PIGN: variants seen among roughly 807,000 people sequenced by gnomAD.
The protein encoded by PIGN is phosphatidylinositol glycan anchor biosynthesis class N.
PIGN carries 117 observed loss-of-function variants against 125.4 expected under a neutral mutation model. That is an observed-to-expected ratio of 0.93 (90% CI 0.80 to 1.09). PIGN has a LOEUF of 1.09. Among genes scored for constraint, PIGN ranks in the 50% least tolerant of loss-of-function variants. The pLI, the probability that PIGN is intolerant of heterozygous loss-of-function variation, is 0.00. For missense variants in PIGN, 1,075 were observed against 1,094.9 expected, an observed-to-expected ratio of 0.98 and a Z score of 0.26; for synonymous variants, 392 against 377.8, an observed-to-expected ratio of 1.04 and a Z score of -0.44.
At chr18:62,168,991 G>C (rs990657624) in intron 1 of PIGN, among the ~76,000 whole-genome samples, 1 of 151,936 alleles carries the variant, frequency 6.6e-6, no homozygotes, top group Non-Finnish European at 1.5e-5. Flanking sequence ...GAGTAGCTGG[G>C]ACTACAGACG....
chr18:62,095,001 G>A (rs538595094), intron 23 of PIGN, among the ~76,000 whole-genome samples: 3 of 152,290 alleles, frequency 2.0e-5, no homozygotes, highest in Admixed American at 6.5e-5. Flanking sequence ...GTTTCCAAAA[G>A]GGAGAACCTG....
At chr18:62,019,058 A>T (rs756510653) in intron 23 of PIGN, among the ~76,000 whole-genome samples, 2 of 152,136 alleles carry the variant, frequency 1.3e-5, no homozygotes, top group Non-Finnish European at 2.9e-5. Flanking sequence ...AAATTAAAAA[A>T]CTTAGCCAGG....
At chr18:62,143,585 T>C (rs1255041573) in intron 10 of PIGN, among the ~76,000 whole-genome samples, 1 of 152,156 alleles carries the variant, frequency 6.6e-6, no homozygotes, top group Non-Finnish European at 1.5e-5. Context: ...TCTTAAATGT[T>C]TACTGGGAGA....
intron 1 of PIGN, among the ~76,000 whole-genome samples, chr18:62,164,940 G>A (rs1273620482): frequency 6.6e-6 from 1 of 152,098 alleles, no homozygotes; most frequent in Non-Finnish European, 1.5e-5. Flanking sequence ...GTTATACTTT[G>A]GAGGGAGATA....
intron 14 of PIGN, chr18:62,123,681 T>C (rs1303264643): frequency 1.3e-5 from 2 of 152,170 alleles, no homozygotes; most frequent in African/African-American, 4.8e-5. Flanking sequence ...CAAGAAAATA[T>C]GGTATTATCC....
intron 23 of PIGN, among the ~76,000 whole-genome samples, chr18:62,022,735 C>A (rs1467484439): frequency 6.6e-6 from 1 of 152,108 alleles, no homozygotes; most frequent in Non-Finnish European, 1.5e-5. Context: ...TTAGTAACAG[C>A]TTTATTGATA....
chr18:62,186,520 A>C (rs1478464261), intron 1 of PIGN, among the ~76,000 whole-genome samples: 1 of 152,238 alleles, frequency 6.6e-6, no homozygotes, highest in Non-Finnish European at 1.5e-5. Flanking sequence ...TCCCAGATCC[A>C]GGCAAATGCC....
chr18:62,078,654 C>T (rs1047314363), intron 28 of PIGN, among the ~76,000 whole-genome samples: 19 of 152,200 alleles, frequency 1.2e-4, no homozygotes, highest in African/African-American at 4.6e-4. Context: ...TTATCATTCC[C>T]TTGCTCTAAA....
intron 23 of PIGN, among the ~76,000 whole-genome samples, chr18:62,028,878 G>A (rs2030159033): frequency 1.3e-5 from 2 of 152,324 alleles, no homozygotes; most frequent in South Asian, 4.1e-4. Context: ...TTCCCAAAAA[G>A]CAATTCAACA....
chr18:62,168,278 C>G (rs1016746813), intron 1 of PIGN, among the ~76,000 whole-genome samples: 1 of 152,000 alleles, frequency 6.6e-6, no homozygotes, highest in Non-Finnish European at 1.5e-5. Context: ...TGTAAGTAAC[C>G]ATGCTTTCTT....
intron 30 of PIGN, among the ~76,000 whole-genome samples, chr18:62,063,294 C>T (rs1450602092): frequency 7.3e-6 from 1 of 136,370 alleles, no homozygotes; most frequent in African/African-American, 2.8e-5. Context: ...AGATTTTAGC[C>T]AAAATCTATG....
chr18:62,085,089 C>G, intron 26 of PIGN, 120 bp downstream of exon 26: 1 of 637,584 alleles, frequency 1.6e-6, no homozygotes, highest in Non-Finnish European at 2.8e-6. Flanking sequence ...GTCTAGGCAA[C>G]AGAGTGAGAC....
At chr18:62,157,853 A>T in intron 4 of PIGN, 45 bp from the exon 5 acceptor site, 1 of 1,512,870 alleles carries the variant, frequency 6.6e-7, no homozygotes, top group Non-Finnish European at 9.1e-7. Flanking sequence ...CTATGATTAG[A>T]TACTCTCACA....
chr18:62,067,810 G>A (rs534804613), intron 30 of PIGN, among the ~76,000 whole-genome samples: 244 of 152,286 alleles, frequency 1.6e-3, no homozygotes, highest in Middle Eastern at 3.4e-3. Context: ...TTCAGCATAC[G>A]TATGTTTTGC....
chr18:62,098,751 T>TAG (rs879884429), intron 22 of PIGN, among the ~76,000 whole-genome samples: 1 of 152,186 alleles, frequency 6.6e-6, no homozygotes, highest in Non-Finnish European at 1.5e-5. Flanking sequence ...GTAGGTATCC[T>TAG]CTAGAACCTA....
At position 62,082,738 on chromosome 18, in the gene PIGN, G is replaced by A. The variant is rs1341702236; in HGVS notation, c.2511C>T (p.Ile837=). The change falls in exon 28 of 31, where the codon ATC becomes ATT. Residue 837 remains isoleucine, a synonymous_variant. Coordinates refer to ENST00000640252, the MANE Select transcript of PIGN (RefSeq NM_176787.5). ...MGALMMWKIL[I]PFVLVMCAFE... ...AAGCACACATAACAAGAACAAAGGG[G>A]ATTAAAATCTGTAAAAGAACAATAA... 1 of 1,527,076 alleles carries A rather than the reference G, an allele frequency of 6.5e-7. No individual in the cohort carries two copies. Among genetic ancestry groups the A allele is most frequent in the Non-Finnish European group, 8.9e-7 (1 of 1,123,968 alleles). The allele number at this position is 1,527,076 out of a possible 1,614,324, so 94.6% of individuals were successfully genotyped here.
At chr18:62,159,004 C>T (rs1327171844) in intron 4 of PIGN, among the ~76,000 whole-genome samples, 1 of 152,214 alleles carries the variant, frequency 6.6e-6, no homozygotes, top group African/African-American at 2.4e-5. Flanking sequence ...GTAATCCCAG[C>T]ACTTTGGGAA....
chr18:62,056,253 C>A (rs1213861706), intron 30 of PIGN, among the ~76,000 whole-genome samples: 1 of 151,514 alleles, frequency 6.6e-6, no homozygotes, highest in East Asian at 2.0e-4. Flanking sequence ...AAATGTAATA[C>A]GGGCATTAGA....
chr18:62,059,742 T>C (rs568995600), intron 30 of PIGN, among the ~76,000 whole-genome samples: 3 of 152,234 alleles, frequency 2.0e-5, no homozygotes, highest in South Asian at 2.1e-4. Flanking sequence ...ACTCCATACA[T>C]TTGCCAAAAA....
Sources: gnomAD v4.1 joint callset for allele counts (sites outside exome capture counted in the v4.1 genomes callset) on GRCh38, gnomAD v4.1.1 for gene constraint, MANE v1.5 for transcripts, NCBI Gene and HGNC (gene_info 2026-07-23, HGNC 2026-07-21) for gene names.